The following DIS3L2 variants were observed in gnomAD, a reference collection of about 807,000 sequenced individuals.
DIS3L2 encodes the protein DIS3 like 3'-5' exoribonuclease 2, also known as DIS3-like exonuclease 2.
DIS3L2 carries 34 observed loss-of-function variants against 97.5 expected under a neutral mutation model. The ratio of observed to expected loss-of-function variants is 0.35; its 90% CI spans 0.27 to 0.46. DIS3L2 has a LOEUF of 0.46. DIS3L2 is among the 20% of genes least tolerant of loss of function. The pLI, the probability that DIS3L2 is intolerant of heterozygous loss-of-function variation, is 1.00. For missense variants in DIS3L2, 1,038 were observed against 1,146.0 expected (o/e 0.91, Z 1.36); for synonymous variants, 435 against 445.2 (o/e 0.98, Z 0.29).
intron 5 of DIS3L2, among the ~76,000 whole-genome samples, chr2:232,080,168 A>G (rs1170626653): frequency 6.6e-6 from 1 of 152,134 alleles, no homozygotes; most frequent in Non-Finnish European, 1.5e-5. Context: ...TGATGGATTG[A>G]ATGTGGGGAA....
intron 7 of DIS3L2, chr2:232,130,979 T>C: frequency 2.4e-6 from 1 of 423,838 alleles, no homozygotes; most frequent in South Asian, 5.7e-5. Flanking sequence ...TCTTTCTTGC[T>C]TAAACCACAC....
chr2:232,185,520 T>C (rs551606265), intron 9 of DIS3L2, among the ~76,000 whole-genome samples: 74 of 152,286 alleles, frequency 4.9e-4, no homozygotes, highest in African/African-American at 1.5e-3. Context: ...TGAGCTATGT[T>C]TTTACCTTAG....
Position 232,136,564 on chromosome 2 carries a change from CG to C in DIS3L2, c.796del (p.Ala266ProfsTer72), listed in dbSNP as rs763950696. 6.2e-7 allele frequency: 1 copy of C among 1,614,030 alleles called. No homozygotes were observed. Among genetic ancestry groups the C allele is most frequent in the Non-Finnish European group, 8.5e-7 (1 of 1,179,978 alleles). On this transcript the variant is annotated frameshift_variant, in exon 8 of 21. Transcript: ENST00000325385. LOFTEE classifies it high-confidence loss of function. ...DKNSELFRKY[A>X]LFSPSDHRVP... The stretch of plus-strand genomic sequence containing the variant: ...AGAACAGCGAACTGTTTAGGAAATA[CG>C]CCCTGTTTTCTCCCTCAGACCACCG...
intron 10 of DIS3L2, among the ~76,000 whole-genome samples, chr2:232,229,797 G>A (rs1692742449): frequency 6.6e-6 from 1 of 152,162 alleles, no homozygotes; most frequent in Non-Finnish European, 1.5e-5. Context: ...TCTTGAAGCT[G>A]CTCTGTTCCA....
At chr2:232,323,073 C>T (rs1485437891) in intron 14 of DIS3L2, among the ~76,000 whole-genome samples, 1 of 152,244 alleles carries the variant, frequency 6.6e-6, no homozygotes, top group Non-Finnish European at 1.5e-5. Flanking sequence ...CACCCCTCCT[C>T]AGGACCTTGT....
chr2:232,083,617 C>T (rs1696480688), intron 5 of DIS3L2, among the ~76,000 whole-genome samples: 1 of 151,832 alleles, frequency 6.6e-6, no homozygotes, highest in Non-Finnish European at 1.5e-5. Flanking sequence ...GCCTCAGCCT[C>T]CTGAGTAGCT....
At chr2:232,114,333 A>G (rs1470250792) in intron 6 of DIS3L2, among the ~76,000 whole-genome samples, 6 of 151,978 alleles carry the variant, frequency 3.9e-5, no homozygotes, top group Non-Finnish European at 7.4e-5. Flanking sequence ...ACATGGTTCC[A>G]CGGCAGATCT....
chr2:232,221,285 G>A (rs923711759), intron 10 of DIS3L2, among the ~76,000 whole-genome samples: 1 of 152,104 alleles, frequency 6.6e-6, no homozygotes, highest in African/African-American at 2.4e-5. Flanking sequence ...ATTAAATGGT[G>A]CATGTAGATC....
At chr2:232,123,126 C>T (rs1401163568) in intron 6 of DIS3L2, among the ~76,000 whole-genome samples, 1 of 152,134 alleles carries the variant, frequency 6.6e-6, no homozygotes, top group Non-Finnish European at 1.5e-5. Flanking sequence ...CACATACACC[C>T]ATCTTTCTTC....
chr2:232,143,053 AAG>A (rs1246873559), intron 8 of DIS3L2, among the ~76,000 whole-genome samples: 5 of 152,208 alleles, frequency 3.3e-5, no homozygotes, highest in African/African-American at 1.2e-4. Flanking sequence ...AGGAGTTTAT[AAG>A]AATATTTAGT....
At chr2:232,146,347 A>G (rs1690216884) in intron 8 of DIS3L2, among the ~76,000 whole-genome samples, 1 of 152,188 alleles carries the variant, frequency 6.6e-6, no homozygotes, top group Non-Finnish European at 1.5e-5. Flanking sequence ...CTCATGGATG[A>G]TCTTTTTAAA....
chr2:232,186,260 A>G (rs1691428495), intron 9 of DIS3L2, among the ~76,000 whole-genome samples: 1 of 152,266 alleles, frequency 6.6e-6, no homozygotes, highest in Admixed American at 6.5e-5. Context: ...CATTTAAAGG[A>G]TAATAAGGAA....
chr2:232,046,235 G>T (rs1178562549), intron 5 of DIS3L2, among the ~76,000 whole-genome samples: 1 of 152,088 alleles, frequency 6.6e-6, no homozygotes. Flanking sequence ...ATTGGCTTTG[G>T]GCCTTCTGCC....
chr2:232,191,791 C>T (rs922032378), intron 9 of DIS3L2, among the ~76,000 whole-genome samples: 1 of 152,154 alleles, frequency 6.6e-6, no homozygotes, highest in African/African-American at 2.4e-5. Flanking sequence ...AATTAGAATT[C>T]CTAGGATAGG....
chr2:231,986,204 A>C (rs55979012), intron 1 of DIS3L2, among the ~76,000 whole-genome samples: 2,145 of 152,200 alleles, frequency 0.014, 23 homozygotes, highest in Non-Finnish European at 0.021. Context: ...CTGAGCCACT[A>C]ATGGCTTCTT....
At chr2:232,083,496 C>CTTTT (rs759630455) in intron 5 of DIS3L2, among the ~76,000 whole-genome samples, 1 of 138,694 alleles carries the variant, frequency 7.2e-6, no homozygotes, top group African/African-American at 2.7e-5. Context: ...TCTTCTTCTT[C>CTTTT]TTTTTTTTTT....
At chr2:232,248,465 C>CAGAT (rs60394903) in intron 11 of DIS3L2, among the ~76,000 whole-genome samples, 144,049 of 152,118 alleles carry the variant, frequency 0.95, 68,297 homozygotes, top group Middle Eastern at 1. Context: ...TCAGGAGATA[C>CAGAT]AGAGATATTC....
chr2:232,133,083 G>T (rs766802362), intron 7 of DIS3L2, among the ~76,000 whole-genome samples: 1 of 152,074 alleles, frequency 6.6e-6, no homozygotes, highest in Non-Finnish European at 1.5e-5. Context: ...TATCCTTGTG[G>T]GCCAGAGACT....
chr2:231,981,600 A>T lies in DIS3L2; in HGVS notation c.-94+19835A>T, dbSNP rs572996943. Reference sequence around the variant, plus strand: ...GTAATGTTATACTGTTAAGTATTTTATATATATATATATATATATATATAT... The same window carrying T: ...GTAATGTTATACTGTTAAGTATTTTTTATATATATATATATATATATATAT... On this transcript the variant is annotated intron_variant, in intron 1 of 20. Coordinates refer to ENST00000325385, the MANE Select transcript of DIS3L2 (RefSeq NM_152383.5). Among the ~76,000 whole-genome samples, 513 of 65,982 alleles carry T rather than the reference A, an allele frequency of 7.8e-3. 5 individuals are homozygous for T. Among genetic ancestry groups the T allele is most frequent in the African/African-American group, 0.033 (395 of 11,968 alleles). The allele number at this position is 65,982 out of a possible 152,430, so 43.3% of individuals were successfully genotyped here.
Sources: gnomAD v4.1 joint callset for allele counts (sites outside exome capture counted in the v4.1 genomes callset) on GRCh38, gnomAD v4.1.1 for gene constraint, MANE v1.5 for transcripts, NCBI Gene and HGNC (gene_info 2026-07-23, HGNC 2026-07-21) for gene names.